The following SLC16A10 variants were observed in gnomAD, a reference collection of about 807,000 sequenced individuals.
SLC16A10 encodes the protein solute carrier family 16 member 10, also known as monocarboxylate transporter 10.
SLC16A10 carries 27 observed loss-of-function variants against 40.0 expected under a neutral mutation model. The observed-to-expected ratio is 0.67, with a 90% CI of 0.50 to 0.93. The LOEUF (loss-of-function observed/expected upper bound fraction) is 0.93. Ranked by LOEUF, SLC16A10 falls within the 40% of genes least tolerant of loss-of-function variation. The pLI, the probability that SLC16A10 is intolerant of heterozygous loss-of-function variation, is 0.00. For synonymous variants in SLC16A10, 213 were observed against 249.8 expected (o/e 0.85, Z 1.39); for missense variants, 529 against 658.2 (o/e 0.80, Z 2.15).
Position 111,087,664 on chromosome 6 carries a change from C to A in SLC16A10, c.-89C>A. 1 of 788,718 alleles carries A rather than the reference C, an allele frequency of 1.3e-6. No individual in the cohort carries two copies. The highest frequency in any genetic ancestry group is 1.7e-6 in the Non-Finnish European group (1 of 597,054). The allele number at this position is 788,718 out of a possible 1,614,324, so 48.9% of individuals were successfully genotyped here. A position where few individuals can be genotyped will look rare whatever the true frequency, so the allele number is the denominator to read the frequency against. On this transcript the variant is annotated 5_prime_UTR_variant, in exon 1 of 6. Transcript: ENST00000368851. ...CCGCCCTCGCCTCGGCCTCGTTAGC[C>A]CGCCAGGAGCCCCGCAGCTCCTCCG... is the stretch of plus-strand genomic sequence containing the variant.
At position 111,230,286 on chromosome 6, in the gene SLC16A10, G is replaced by C. The variant is rs1771090744; in HGVS notation, c.*8051G>C. The C allele has an allele frequency of 6.6e-6, 1 of 151,982 alleles. No individual in the cohort carries two copies. The highest frequency in any genetic ancestry group is 2.4e-5 in the African/African-American group (1 of 41,374). 9.4% of individuals were successfully genotyped at this position (151,982 alleles called of 1,614,324 possible). A position where few individuals can be genotyped will look rare whatever the true frequency, so the allele number is the denominator to read the frequency against. On this transcript the variant is annotated 3_prime_UTR_variant, in exon 6 of 6. Transcript: ENST00000368851. Reference sequence around the variant, plus strand: ...ACCATGCCCGGCTAGAGAATGACAGGTTTCAGTTGAATTCTTCTCTTTTAA... The same window carrying C: ...ACCATGCCCGGCTAGAGAATGACAGCTTTCAGTTGAATTCTTCTCTTTTAA...
In SLC16A10 at chr6:111,218,872, T is replaced by C; in HGVS notation, c.1145T>C (p.Phe382Ser). 2 of 1,614,172 alleles carry C rather than the reference T, an allele frequency of 1.2e-6. No individual in the cohort carries two copies. The highest frequency in any genetic ancestry group is 1.6e-4 in the Middle Eastern group (1 of 6,062). The change falls in exon 5 of 6, where the codon TTT (phenylalanine) becomes TCT (serine). Residue 382 changes from phenylalanine (F) to serine (S), a missense_variant. Transcript: ENST00000368851. ...MSMMIPLCSIFGALIAVCLIM... is the reference protein window; with the variant it reads ...MSMMIPLCSISGALIAVCLIM... ...ATGATGATTCCTCTGTGTAGCATCT[T>C]TGGGGCCCTCATTGCTGTGTGCCTC...
Position 111,144,963 on chromosome 6 carries a change from T to C in SLC16A10, c.344-27732T>C, listed in dbSNP as rs111747588. On this transcript the variant is annotated intron_variant, in intron 1 of 5. Transcript: ENST00000368851. ...CAGCCTCAGCTTCCTAAGTAGCTGGTACCACACAGGCGCATGCCACCACAC... is the reference window on the plus strand; with the variant it reads ...CAGCCTCAGCTTCCTAAGTAGCTGGCACCACACAGGCGCATGCCACCACAC... Among the ~76,000 whole-genome samples the C allele has an allele frequency of 2.5e-3, 383 of 152,194 alleles. 2 individuals are homozygous for C. The highest frequency in any genetic ancestry group is 8.7e-3 in the African/African-American group (362 of 41,540).
At chr6:111,158,570 C>T (rs1465530479) in intron 1 of SLC16A10, among the ~76,000 whole-genome samples, 4 of 152,184 alleles carry the variant, frequency 2.6e-5, no homozygotes, top group South Asian at 2.1e-4. Flanking sequence ...TGGTAATGCT[C>T]GCTCACCTAC....
chr6:111,177,366 A>G lies in SLC16A10; in HGVS notation c.643A>G (p.Ile215Val). ...CACTGCTGGCAGCAGTGTCTTCACA[A>G]TCCTGCTGCCTTTGCTCTTAAGGGT... ...IVTAGSSVFT[I>V]LLPLLLRVLI... Residue 215 changes from isoleucine (I) to valine (V), a missense_variant, in exon 3 of 6, where the codon ATC (isoleucine) becomes GTC (valine). Coordinates refer to ENST00000368851, the MANE Select transcript of SLC16A10 (RefSeq NM_018593.5). 3.1e-6 allele frequency: 5 copies of G among 1,613,884 alleles called. No homozygotes were observed. Among genetic ancestry groups the G allele is most frequent in the Admixed American group, 3.3e-5 (2 of 59,948 alleles).
chr6:111,087,749 G>A lies in SLC16A10; in HGVS notation c.-4G>A. 5.0e-6 allele frequency: 6 copies of A among 1,211,268 alleles called. No individual in the cohort carries two copies. Among genetic ancestry groups the A allele is most frequent in the Non-Finnish European group, 6.2e-6 (6 of 975,110 alleles). The allele number at this position is 1,211,268 out of a possible 1,614,324, so 75.0% of individuals were successfully genotyped here. On this transcript the variant is annotated 5_prime_UTR_variant, in exon 1 of 6. Coordinates refer to ENST00000368851, the MANE Select transcript of SLC16A10 (RefSeq NM_018593.5). ...TCCGGCGCCTGAGGGGCCCGCCTCGGGCCATGGTGCTCTCCCAGGAGGAGC... is the reference window on the plus strand; with the variant it reads ...TCCGGCGCCTGAGGGGCCCGCCTCGAGCCATGGTGCTCTCCCAGGAGGAGC...
intron 4 of SLC16A10, among the ~76,000 whole-genome samples, chr6:111,218,139 AG>A (rs1770804297): frequency 6.6e-6 from 1 of 152,188 alleles, no homozygotes; most frequent in Non-Finnish European, 1.5e-5. Context: ...AAAAAAATCA[AG>A]TGTTTAATGA....
At chr6:111,124,532 T>C (rs146343101) in intron 1 of SLC16A10, among the ~76,000 whole-genome samples, 1 of 152,186 alleles carries the variant, frequency 6.6e-6, no homozygotes, top group Non-Finnish European at 1.5e-5. Context: ...CCAGCTAATT[T>C]TTGTATTTTT....
chr6:111,147,434 A>G (rs1011037892), intron 1 of SLC16A10, among the ~76,000 whole-genome samples: 3 of 152,232 alleles, frequency 2.0e-5, no homozygotes, highest in Admixed American at 1.3e-4. Flanking sequence ...GGTCCACCAC[A>G]TATGTATATA....
chr6:111,088,117 G>A, intron 1 of SLC16A10, 22 bp downstream of exon 1: 1 of 1,586,610 alleles, frequency 6.3e-7, no homozygotes, highest in Non-Finnish European at 8.6e-7. Flanking sequence ...CGCCCGCCGA[G>A]GCCAGCCTGG....
At chr6:111,126,627 A>G (rs911072455) in intron 1 of SLC16A10, among the ~76,000 whole-genome samples, 1 of 152,178 alleles carries the variant, frequency 6.6e-6, no homozygotes, top group East Asian at 1.9e-4. Context: ...TAATCCACAT[A>G]GTACTTTATA....
chr6:111,127,175 T>C (rs971309244), intron 1 of SLC16A10, among the ~76,000 whole-genome samples: 2 of 152,196 alleles, frequency 1.3e-5, no homozygotes, highest in Non-Finnish European at 2.9e-5. Context: ...AATTTACATT[T>C]TAGTGGTAGA....
chr6:111,222,493 C>A lies in SLC16A10; in HGVS notation c.*258C>A. The A allele has an allele frequency of 2.7e-6, 1 of 367,468 alleles. No individual in the cohort carries two copies. Among genetic ancestry groups the A allele is most frequent in the Non-Finnish European group, 4.8e-6 (1 of 209,734 alleles). 22.8% of individuals were successfully genotyped at this position (367,468 alleles called of 1,614,324 possible). ...ACATATTGTGAAAATTTGAAGCTAT[C>A]TCAGTAAAAAGCAGCTTTGGAAACT... is the stretch of plus-strand genomic sequence containing the variant. On this transcript the variant is annotated 3_prime_UTR_variant, in exon 6 of 6. Coordinates refer to ENST00000368851, the MANE Select transcript of SLC16A10 (RefSeq NM_018593.5).
intron 1 of SLC16A10, among the ~76,000 whole-genome samples, chr6:111,151,445 C>T (rs758449403): frequency 8.5e-5 from 13 of 152,184 alleles, no homozygotes; most frequent in Non-Finnish European, 1.6e-4. Context: ...CTGTTGATTT[C>T]ATCACTCACA....
chr6:111,160,307 C>G (rs1044301327), intron 1 of SLC16A10, among the ~76,000 whole-genome samples: 5 of 152,188 alleles, frequency 3.3e-5, no homozygotes, highest in Admixed American at 3.3e-4. Flanking sequence ...AGTGCAGTCT[C>G]AGCTCACTGC....
At chr6:111,178,390 T>G in intron 3 of SLC16A10, 1 of 533,026 alleles carries the variant, frequency 1.9e-6, no homozygotes, top group Non-Finnish European at 3.9e-6. Context: ...ATTGTTTATT[T>G]CTATTTCAAA....
At chr6:111,190,382 G>A (rs1196222879) in intron 3 of SLC16A10, among the ~76,000 whole-genome samples, 1 of 152,234 alleles carries the variant, frequency 6.6e-6, no homozygotes. Context: ...CAGATGCACA[G>A]TGTAGGCTGT....
At chr6:111,144,554 AAAAC>A (rs1197889560) in intron 1 of SLC16A10, among the ~76,000 whole-genome samples, 4 of 152,244 alleles carry the variant, frequency 2.6e-5, no homozygotes, top group African/African-American at 9.6e-5. Flanking sequence ...GTAAAAATAA[AAAAC>A]AAATCACTGT....
intron 1 of SLC16A10, among the ~76,000 whole-genome samples, chr6:111,170,520 G>T (rs1158155857): frequency 6.6e-6 from 1 of 152,150 alleles, no homozygotes; most frequent in Non-Finnish European, 1.5e-5. Flanking sequence ...CGCGATCTCG[G>T]CTCACTGCAA....
Sources: gnomAD v4.1 joint callset for allele counts (sites outside exome capture counted in the v4.1 genomes callset) on GRCh38, gnomAD v4.1.1 for gene constraint, MANE v1.5 for transcripts, NCBI Gene and HGNC (gene_info 2026-07-23, HGNC 2026-07-21) for gene names.